The following TMPRSS11F variants were observed in gnomAD, a reference collection of about 807,000 sequenced individuals.
TMPRSS11F encodes the protein transmembrane serine protease 11F, also known as transmembrane protease serine 11F.
In TMPRSS11F, 47 loss-of-function variants were observed where a neutral mutation model predicts 60.2. The observed-to-expected ratio is 0.78, with a 90% CI of 0.62 to 1.00. The LOEUF is 1.00. Among genes scored for constraint, TMPRSS11F ranks in the 50% least tolerant of loss-of-function variants. The probability of loss-of-function intolerance (pLI) is 0.00; values close to 1 mark genes in which losing one functional copy is unlikely to be tolerated. For synonymous variants in TMPRSS11F, 166 were observed against 167.3 expected (o/e 0.99, Z 0.06); for missense variants, 519 against 522.9 (o/e 0.99, Z 0.07).
At chr4:68,117,367 T>A (rs1362508814) in intron 1 of TMPRSS11F, among the ~76,000 whole-genome samples, 1 of 144,462 alleles carries the variant, frequency 6.9e-6, no homozygotes, top group East Asian at 2.1e-4. Context: ...CTCGGGGGGC[T>A]GAGGCAGGAG....
At chr4:68,119,939 T>A (rs1253872648) in intron 1 of TMPRSS11F, among the ~76,000 whole-genome samples, 1 of 152,140 alleles carries the variant, frequency 6.6e-6, no homozygotes, top group African/African-American at 2.4e-5. Flanking sequence ...ACATCTGTGA[T>A]TTATGGAGGG....
Position 68,089,335 on chromosome 4 carries a change from G to A in TMPRSS11F, c.282+1188C>T, listed in dbSNP as rs550769472. 5.3e-5 allele frequency among the ~76,000 whole-genome samples: 8 copies of A among 152,266 alleles called. No individual in the cohort carries two copies. The East Asian group carries it at 1.5e-3, about 29-fold the overall frequency. ...GAAAACAGGGATGCAAGAAGCAATG[G>A]ATCTCACAAAAGGGTGCAGTCCTGT... On this transcript the variant is annotated intron_variant, in intron 3 of 9. Transcript: ENST00000356291.
rs942640273 is a variant in TMPRSS11F at position 68,068,721 on chromosome 4, A to C, written c.652T>G (p.Trp218Gly). The C allele has an allele frequency of 6.2e-7, 1 of 1,614,210 alleles. No homozygotes were observed. Among genetic ancestry groups the C allele is most frequent in the Non-Finnish European group, 8.5e-7 (1 of 1,180,030 alleles). ...QGRETAMEGE[W>G]PWQASLQLIG... ...AGCTGGAGGCTGGCCTGCCATGGCC[A>C]TTCCCCTTCCATAGCTGTTTCCCTT... The change falls in exon 7 of 10, where the codon TGG becomes GGG. Residue 218 changes from tryptophan to glycine, a missense_variant. By Grantham distance (184) the Trp-to-Gly change is radical (BLOSUM62 -2). Transcript: ENST00000356291.
At chr4:68,113,556 A>C (rs1347271772) in intron 1 of TMPRSS11F, among the ~76,000 whole-genome samples, 1 of 152,190 alleles carries the variant, frequency 6.6e-6, no homozygotes, top group African/African-American at 2.4e-5. Context: ...TGTCATTATA[A>C]AAGGGTCAAT....
chr4:68,060,758 C>T (rs1464011203), intron 8 of TMPRSS11F, among the ~76,000 whole-genome samples: 1 of 151,380 alleles, frequency 6.6e-6, no homozygotes, highest in Non-Finnish European at 1.5e-5. Context: ...TGTATTTTTT[C>T]TTATAATTCA....
At chr4:68,109,878 A>T (rs1724378395) in intron 1 of TMPRSS11F, among the ~76,000 whole-genome samples, 2 of 152,216 alleles carry the variant, frequency 1.3e-5, no homozygotes, top group East Asian at 3.8e-4. Context: ...TGATGACATC[A>T]AGATGAAGAT....
chr4:68,062,845 A>G (rs751008520), intron 8 of TMPRSS11F: 4 of 772,206 alleles, frequency 5.2e-6, no homozygotes, highest in African/African-American at 5.1e-5. Context: ...TTAACTTAAC[A>G]TATGTATTGG....
Position 68,053,614 on chromosome 4 carries a change from G to A in TMPRSS11F, c.*295C>T, listed in dbSNP as rs764888848. 14 of 244,628 alleles carry A rather than the reference G, an allele frequency of 5.7e-5. No homozygotes were observed. Among genetic ancestry groups the A allele is most frequent in the Non-Finnish European group, 1.0e-4 (13 of 128,538 alleles). 15.2% of individuals were successfully genotyped at this position (244,628 alleles called of 1,614,324 possible). A position where few individuals can be genotyped will look rare whatever the true frequency, so the allele number is the denominator to read the frequency against. ...ATATCCTGTGGAAAATGATGTTCCTGTCTTCAATTGAGGGAAACCACTTAT... is the reference window on the plus strand; with the variant it reads ...ATATCCTGTGGAAAATGATGTTCCTATCTTCAATTGAGGGAAACCACTTAT... On this transcript the variant is annotated 3_prime_UTR_variant, in exon 10 of 10. Coordinates refer to ENST00000356291, the MANE Select transcript of TMPRSS11F (RefSeq NM_207407.2).
At chr4:68,094,544 T>C (rs528719230) in intron 2 of TMPRSS11F, among the ~76,000 whole-genome samples, 7 of 147,298 alleles carry the variant, frequency 4.8e-5, no homozygotes, top group Middle Eastern at 3.5e-3. Flanking sequence ...AAACTTAAAG[T>C]ATAATAATAA....
chr4:68,094,596 A>C (rs1000725013), intron 2 of TMPRSS11F, among the ~76,000 whole-genome samples: 1 of 151,314 alleles, frequency 6.6e-6, no homozygotes. Flanking sequence ...ATAAATAAAT[A>C]AAATCAAGGT....
chr4:68,066,482 A>G (rs971859779), intron 7 of TMPRSS11F, among the ~76,000 whole-genome samples: 3 of 152,196 alleles, frequency 2.0e-5, no homozygotes, highest in African/African-American at 7.2e-5. Flanking sequence ...GGTTAGTGCC[A>G]AAAGGAGATG....
At chr4:68,064,645 G>T (rs754391773) in intron 8 of TMPRSS11F, 40 bp downstream of exon 8, 1 of 1,597,180 alleles carries the variant, frequency 6.3e-7, no homozygotes, top group Non-Finnish European at 8.5e-7. Flanking sequence ...TTGATCTCAA[G>T]ACATTCTTGT....
rs1344506059 is a variant in TMPRSS11F, at chr4:68,053,648, T to A, written c.*261A>T. The A allele has an allele frequency of 6.1e-6, 2 of 327,516 alleles. No homozygotes were observed. Among genetic ancestry groups the A allele is most frequent in the Non-Finnish European group, 1.1e-5 (2 of 180,918 alleles). 20.3% of individuals were successfully genotyped at this position (327,516 alleles called of 1,614,324 possible). On this transcript the variant is annotated 3_prime_UTR_variant, in exon 10 of 10. Coordinates refer to ENST00000356291, the MANE Select transcript of TMPRSS11F (RefSeq NM_207407.2). ...TGAGGGAAACCACTTATTTATCTTA[T>A]TAGGAAGTATCACAAGCAGTTTCCC...
Position 68,062,509 on chromosome 4 carries a change from CT to C in TMPRSS11F, c.1015+2175del, listed in dbSNP as rs1163848072. 4.2e-6 allele frequency: 3 copies of C among 718,688 alleles called. No homozygotes were observed. The East Asian group carries it at 8.0e-5, about 19-fold the overall frequency. 44.5% of individuals were successfully genotyped at this position (718,688 alleles called of 1,614,324 possible). ...CAGTAATGTTGTAATTAGAAATATG[CT>C]GCATTGGATGGTAACTGTTTGCTTA... On this transcript the variant is annotated intron_variant, in intron 8 of 9. Transcript: ENST00000356291.
At chr4:68,123,554 C>T (rs916911041) in intron 1 of TMPRSS11F, among the ~76,000 whole-genome samples, 5 of 152,158 alleles carry the variant, frequency 3.3e-5, no homozygotes, top group African/African-American at 1.2e-4. Context: ...TTGATCTTTC[C>T]TTTACCTAGC....
chr4:68,092,308 T>C (rs1025916209), intron 2 of TMPRSS11F, among the ~76,000 whole-genome samples: 1 of 152,206 alleles, frequency 6.6e-6, no homozygotes, highest in African/African-American at 2.4e-5. Context: ...AAGTAATTGA[T>C]GTTTTAATTG....
At chr4:68,056,457 AC>A (rs1160344003) in intron 9 of TMPRSS11F, among the ~76,000 whole-genome samples, 4 of 151,344 alleles carry the variant, frequency 2.6e-5, no homozygotes, top group African/African-American at 7.3e-5. Flanking sequence ...AAAAAAAAAA[AC>A]ACTTGGGAGT....
intron 1 of TMPRSS11F, among the ~76,000 whole-genome samples, chr4:68,127,364 G>C (rs569523677): frequency 6.6e-6 from 1 of 152,074 alleles, no homozygotes; most frequent in South Asian, 2.1e-4. Context: ...TTTTCGCATT[G>C]ATCACAACGT....
In TMPRSS11F at chr4:68,053,708, C is replaced by T; in HGVS notation, c.*201G>A. 2.2e-6 allele frequency: 1 copy of T among 450,440 alleles called. No individual in the cohort carries two copies. The highest frequency in any genetic ancestry group is 3.9e-6 in the Non-Finnish European group (1 of 255,726). The allele number at this position is 450,440 out of a possible 1,614,324, so 27.9% of individuals were successfully genotyped here. A position where few individuals can be genotyped will look rare whatever the true frequency, so the allele number is the denominator to read the frequency against. On this transcript the variant is annotated 3_prime_UTR_variant, in exon 10 of 10. Transcript: ENST00000356291. ...AGGAATAGGTGCTGTCTGTCATTTG[C>T]TGTGTCTTCTTCCCTCATGGTAGAG...
Sources: allele counts gnomAD v4.1 joint callset (sites outside exome capture counted in the v4.1 genomes callset), GRCh38; gene constraint gnomAD v4.1.1; transcripts MANE v1.5; gene names NCBI Gene and HGNC (gene_info 2026-07-23, HGNC 2026-07-21).